The following OXR1 variants were observed in gnomAD, a reference collection of about 807,000 sequenced individuals.
OXR1 encodes the protein oxidation resistance 1, also known as oxidation resistance protein 1.
OXR1 carries 41 observed loss-of-function variants against 104.6 expected under a neutral mutation model. The observed-to-expected ratio is 0.39, with a 90% CI of 0.31 to 0.51. The LOEUF is 0.51. OXR1 is among the 20% of genes least tolerant of loss of function. The pLI, the probability that OXR1 is intolerant of heterozygous loss-of-function variation, is 0.77. For synonymous variants in OXR1, 348 were observed against 348.4 expected (o/e 1.00, Z 0.01); for missense variants, 955 against 1,031.9 (o/e 0.93, Z 1.02).
chr8:106,610,554 C>T (rs913435565), intron 3 of OXR1, among the ~76,000 whole-genome samples: 3 of 152,186 alleles, frequency 2.0e-5, no homozygotes, highest in Admixed American at 1.3e-4. Context: ...ATCCTACCAT[C>T]GTTTATCCTA....
At chr8:106,333,853 A>G (rs1814841102) in intron 1 of OXR1, among the ~76,000 whole-genome samples, 1 of 152,080 alleles carries the variant, frequency 6.6e-6, no homozygotes, top group African/African-American at 2.4e-5. Context: ...CACTGTTTTT[A>G]TTATTGTAAC....
intron 1 of OXR1, among the ~76,000 whole-genome samples, chr8:106,295,861 T>C (rs566233555): frequency 1.6e-4 from 25 of 152,298 alleles, no homozygotes; most frequent in Admixed American, 1.4e-3. Flanking sequence ...CTGCCATTTC[T>C]TTGTTGCACA....
At chr8:106,687,671 G>A (rs191396148) in intron 6 of OXR1, among the ~76,000 whole-genome samples, 267 of 150,350 alleles carry the variant, frequency 1.8e-3, no homozygotes, top group African/African-American at 5.9e-3. Flanking sequence ...AGTGAGCCAC[G>A]CCACTGCCCT....
At chr8:106,398,370 G>A (rs1817867134) in intron 2 of OXR1, among the ~76,000 whole-genome samples, 2 of 152,102 alleles carry the variant, frequency 1.3e-5, no homozygotes, top group Admixed American at 6.6e-5. Context: ...GCATCAGAGT[G>A]TTTAAAAGCA....
At chr8:106,316,211 T>C (rs1813931795) in intron 1 of OXR1, among the ~76,000 whole-genome samples, 1 of 152,208 alleles carries the variant, frequency 6.6e-6, no homozygotes, top group African/African-American at 2.4e-5. Context: ...AACCTGTTGC[T>C]TTGGTTATAT....
intron 3 of OXR1, among the ~76,000 whole-genome samples, chr8:106,656,821 TAA>T (rs79415263): frequency 2.9e-4 from 34 of 118,734 alleles, no homozygotes; most frequent in Non-Finnish European, 1.8e-4. Flanking sequence ...GTCAACCAGT[TAA>T]AAAAAAAAAA....
chr8:106,286,673 A>G (rs1178881366), intron 1 of OXR1, among the ~76,000 whole-genome samples: 4 of 140,068 alleles, frequency 2.9e-5, no homozygotes, highest in African/African-American at 7.6e-5. Context: ...TTGTGTTGCT[A>G]TGTACTACAG....
chr8:106,544,021 A>G (rs1459548872), intron 3 of OXR1, among the ~76,000 whole-genome samples: 1 of 152,110 alleles, frequency 6.6e-6, no homozygotes, highest in African/African-American at 2.4e-5. Context: ...TAGGTCAGGG[A>G]TGACACTGCA....
At chr8:106,453,791 C>G (rs1211411952) in intron 2 of OXR1, among the ~76,000 whole-genome samples, 2 of 152,172 alleles carry the variant, frequency 1.3e-5, no homozygotes, top group African/African-American at 4.8e-5. Context: ...TCACTGTTAT[C>G]CCCCCAGCAT....
intron 2 of OXR1, among the ~76,000 whole-genome samples, chr8:106,415,977 G>A (rs1818661853): frequency 6.6e-6 from 1 of 152,036 alleles, no homozygotes; most frequent in East Asian, 1.9e-4. Flanking sequence ...CACAAGTCTT[G>A]AGAATATCCT....
At chr8:106,515,858 G>T (rs760462473) in intron 2 of OXR1, among the ~76,000 whole-genome samples, 1 of 152,008 alleles carries the variant, frequency 6.6e-6, no homozygotes, top group African/African-American at 2.4e-5. Flanking sequence ...GTGATTTTTG[G>T]TTACTACTCC....
intron 3 of OXR1, among the ~76,000 whole-genome samples, chr8:106,668,997 T>C (rs1826642645): frequency 6.6e-6 from 1 of 152,190 alleles, no homozygotes; most frequent in Non-Finnish European, 1.5e-5. Context: ...GAACACACTT[T>C]TAAATAGCAA....
chr8:106,548,566 A>G (rs1815555661), intron 3 of OXR1, among the ~76,000 whole-genome samples: 2 of 152,356 alleles, frequency 1.3e-5, no homozygotes, highest in Non-Finnish European at 2.9e-5. Context: ...ATGAGCAAAT[A>G]TTATTTCCTC....
intron 3 of OXR1, among the ~76,000 whole-genome samples, chr8:106,563,854 A>G (rs907274308): frequency 3.3e-5 from 5 of 152,224 alleles, no homozygotes; most frequent in African/African-American, 9.6e-5. Context: ...CCACACAACT[A>G]CATGGAAACT....
intron 3 of OXR1, among the ~76,000 whole-genome samples, chr8:106,525,762 G>C (rs1007856746): frequency 1.3e-5 from 2 of 152,122 alleles, no homozygotes; most frequent in Non-Finnish European, 2.9e-5. Context: ...ACCTTGTCAA[G>C]GGAATTGACA....
At chr8:106,654,452 T>C (rs1347367871) in intron 3 of OXR1, among the ~76,000 whole-genome samples, 1 of 152,108 alleles carries the variant, frequency 6.6e-6, no homozygotes, top group Non-Finnish European at 1.5e-5. Context: ...TTTCAATAAA[T>C]GGTGCTGGAA....
chr8:106,663,995 C>T (rs778487019), intron 3 of OXR1, among the ~76,000 whole-genome samples: 59 of 152,158 alleles, frequency 3.9e-4, no homozygotes, highest in Non-Finnish European at 7.5e-4. Flanking sequence ...GAAGATAACC[C>T]TAGCTGGCCC....
chr8:106,429,710 A>T (rs1819283354), intron 2 of OXR1, among the ~76,000 whole-genome samples: 1 of 151,886 alleles, frequency 6.6e-6, no homozygotes, highest in South Asian at 2.1e-4. Flanking sequence ...TGATATAGAT[A>T]TAAGAATTCT....
rs537212858 is a variant in OXR1, at chr8:106,276,995, T to C, written c.-139+6628T>C. On this transcript the variant is annotated intron_variant, in intron 1 of 16. Coordinates refer to ENST00000517566, the MANE Select transcript of OXR1 (RefSeq NM_001198533.2). Reference sequence around the variant, plus strand: ...TTGGCCCTTGCTGATAATTCTGTTATTAAGTTTATAGATGTTTTTATACCA... The same window carrying C: ...TTGGCCCTTGCTGATAATTCTGTTACTAAGTTTATAGATGTTTTTATACCA... Among the ~76,000 whole-genome samples, 44 of 152,348 alleles carry C rather than the reference T, an allele frequency of 2.9e-4. No individual in the cohort carries two copies. The South Asian group carries it at 3.3e-3, about 11-fold the overall frequency.
Sources: allele counts gnomAD v4.1 joint callset (sites outside exome capture counted in the v4.1 genomes callset), GRCh38; gene constraint gnomAD v4.1.1; transcripts MANE v1.5; gene names NCBI Gene and HGNC (gene_info 2026-07-23, HGNC 2026-07-21).